Variants in PCSK2 observed in about 807,000 individuals in gnomAD.
PCSK2 encodes the protein neuroendocrine convertase 2.
A neutral mutation model predicts 69.7 loss-of-function variants in PCSK2; 14 were observed. The ratio of observed to expected loss-of-function variants is 0.20; its 90% CI spans 0.13 to 0.31. The LOEUF (loss-of-function observed/expected upper bound fraction) is 0.31. Ranked by LOEUF, PCSK2 falls within the 10% of genes least tolerant of loss-of-function variation. The pLI is 1.00. For synonymous variants in PCSK2, 307 were observed against 320.7 expected, an observed-to-expected ratio of 0.96 and a Z score of 0.46; for missense variants, 544 against 842.5, an observed-to-expected ratio of 0.65 and a Z score of 4.39.
intron 5 of PCSK2, among the ~76,000 whole-genome samples, chr20:17,399,646 G>A (rs577333435): frequency 6.6e-6 from 1 of 152,254 alleles, no homozygotes; most frequent in South Asian, 2.1e-4. Context: ...AGGATTGCAG[G>A]AGCGTTTTGC....
chr20:17,470,971 G>T (rs1046849659), intron 11 of PCSK2, among the ~76,000 whole-genome samples: 1 of 152,218 alleles, frequency 6.6e-6, no homozygotes, highest in Non-Finnish European at 1.5e-5. Context: ...TTTAGGGGAA[G>T]AGTTAGCTTG....
chr20:17,399,584 A>C (rs1282772471), intron 5 of PCSK2, among the ~76,000 whole-genome samples: 3 of 152,162 alleles, frequency 2.0e-5, no homozygotes, highest in African/African-American at 4.8e-5. Flanking sequence ...AAGTATACGG[A>C]GGTGTTAAAG....
At chr20:17,350,062 C>T (rs1248132682) in intron 2 of PCSK2, among the ~76,000 whole-genome samples, 3 of 151,438 alleles carry the variant, frequency 2.0e-5, no homozygotes, top group African/African-American at 7.3e-5. Context: ...TATGTCTTCA[C>T]ATGGCATTCT....
chr20:17,394,351 C>T (rs2031458975), intron 5 of PCSK2, among the ~76,000 whole-genome samples: 2 of 152,174 alleles, frequency 1.3e-5, no homozygotes, highest in Non-Finnish European at 2.9e-5. Flanking sequence ...AAACCCAGTG[C>T]ATATCCTTGA....
chr20:17,474,665 G>A (rs2033261904), intron 11 of PCSK2, among the ~76,000 whole-genome samples: 1 of 152,132 alleles, frequency 6.6e-6, no homozygotes, highest in Non-Finnish European at 1.5e-5. Flanking sequence ...AGCCACCATA[G>A]AAGATTCACA....
intron 8 of PCSK2, among the ~76,000 whole-genome samples, chr20:17,441,816 G>A (rs954447186): frequency 3.3e-5 from 5 of 152,090 alleles, no homozygotes; most frequent in Admixed American, 2.6e-4. Context: ...TGGGGGCACA[G>A]CCAAACGGCA....
chr20:17,426,957 C>T (rs184913066), intron 6 of PCSK2, among the ~76,000 whole-genome samples: 50 of 152,230 alleles, frequency 3.3e-4, no homozygotes, highest in Non-Finnish European at 6.0e-4. Flanking sequence ...TGAAATTAAC[C>T]GTTACAATTT....
At chr20:17,259,777 C>T (rs186908918) in intron 1 of PCSK2, among the ~76,000 whole-genome samples, 38 of 152,172 alleles carry the variant, frequency 2.5e-4, no homozygotes, top group Non-Finnish European at 4.7e-4. Flanking sequence ...CAGAAAAAGC[C>T]CAAGACACAG....
intron 5 of PCSK2, among the ~76,000 whole-genome samples, chr20:17,379,909 G>A (rs878882464): frequency 6.6e-6 from 1 of 152,232 alleles, no homozygotes; most frequent in Admixed American, 6.5e-5. Context: ...ATTCTAAGCA[G>A]TGGAGGCTTT....
intron 10 of PCSK2, 54 bp downstream of exon 10, chr20:17,456,502 G>A (rs1002747771): frequency 1.1e-6 from 1 of 946,324 alleles, no homozygotes. Flanking sequence ...ACTAACACGT[G>A]TCTCTCTGCC....
Position 17,260,407 on chromosome 20 carries a change from G to C in PCSK2, c.282+63G>C, listed in dbSNP as rs762705912. ...TGCCATGGCTGAGCCCACCAAGGGG[G>C]TGTGGAGGGGCTGGCAGGGAATTTT... is the stretch of plus-strand genomic sequence containing the variant. On this transcript the variant is annotated intron_variant, in intron 2 of 11. Coordinates refer to ENST00000262545, the MANE Select transcript of PCSK2 (RefSeq NM_002594.5). 9 of 1,112,186 alleles carry C rather than the reference G, an allele frequency of 8.1e-6. No individual in the cohort carries two copies. The East Asian group carries it at 1.9e-4, about 23-fold the overall frequency. The allele number at this position is 1,112,186 out of a possible 1,614,324, so 68.9% of individuals were successfully genotyped here.
chr20:17,440,857 T>C (rs1234724214), intron 8 of PCSK2, among the ~76,000 whole-genome samples: 3 of 117,800 alleles, frequency 2.5e-5, no homozygotes, highest in Admixed American at 2.4e-4. Context: ...AGTGAAACTC[T>C]ATCTCAAAAA....
intron 2 of PCSK2, among the ~76,000 whole-genome samples, chr20:17,324,467 C>T (rs544701738): frequency 6.6e-6 from 1 of 152,142 alleles, no homozygotes; most frequent in Non-Finnish European, 1.5e-5. Flanking sequence ...GAATTTATTA[C>T]AAGGGCATCT....
chr20:17,255,365 G>A lies in PCSK2; in HGVS notation c.178-4875G>A, dbSNP rs377658259. ...CCTAATTTTTTTTTTTTTTTGAGAC[G>A]GAGTCTCGCTCTGTTGTCCAGGCTG... On this transcript the variant is annotated intron_variant, in intron 1 of 11. Transcript: ENST00000262545. Among the ~76,000 whole-genome samples, 313 of 150,212 alleles carry A rather than the reference G, an allele frequency of 2.1e-3. 1 individual carries two copies. The highest frequency in any genetic ancestry group is 0.01 in the Middle Eastern group (3 of 290).
At chr20:17,349,966 C>A (rs981077968) in intron 2 of PCSK2, among the ~76,000 whole-genome samples, 8 of 152,082 alleles carry the variant, frequency 5.3e-5, no homozygotes, top group Non-Finnish European at 1.2e-4. Context: ...ACCTCTGCTT[C>A]GCGAGGACAC....
intron 2 of PCSK2, among the ~76,000 whole-genome samples, chr20:17,339,774 G>T (rs1990456013): frequency 6.6e-6 from 1 of 152,168 alleles, no homozygotes; most frequent in South Asian, 2.1e-4. Context: ...GAACTGCCCA[G>T]CTCCCCTGTC....
At chr20:17,381,331 C>T (rs900113235) in intron 5 of PCSK2, among the ~76,000 whole-genome samples, 8 of 152,198 alleles carry the variant, frequency 5.3e-5, no homozygotes, top group African/African-American at 1.9e-4. Context: ...TGCACACAAC[C>T]TCTCCACAAT....
At chr20:17,315,728 T>C (rs564507797) in intron 2 of PCSK2, among the ~76,000 whole-genome samples, 1 of 152,194 alleles carries the variant, frequency 6.6e-6, no homozygotes, top group Non-Finnish European at 1.5e-5. Context: ...AAGAGAAGCC[T>C]GGCTTGGGGG....
intron 4 of PCSK2, among the ~76,000 whole-genome samples, chr20:17,362,019 C>T (rs1466524251): frequency 6.6e-6 from 1 of 152,224 alleles, no homozygotes; most frequent in African/African-American, 2.4e-5. Context: ...TGGGTATCCC[C>T]AGCCGGGGAT....
Sources: gnomAD v4.1 joint callset for allele counts (sites outside exome capture counted in the v4.1 genomes callset) on GRCh38, gnomAD v4.1.1 for gene constraint, MANE v1.5 for transcripts, NCBI Gene and HGNC (gene_info 2026-07-23, HGNC 2026-07-21) for gene names.